The following PGM2L1 variants were observed in gnomAD, a reference collection of about 807,000 sequenced individuals.
PGM2L1 encodes glucose 1,6-bisphosphate synthase.
PGM2L1 carries 35 observed loss-of-function variants against 73.4 expected under a neutral mutation model. The ratio of observed to expected loss-of-function variants is 0.48; its 90% CI spans 0.36 to 0.63. The LOEUF is 0.63. Ranked by LOEUF, PGM2L1 falls within the 30% of genes least tolerant of loss-of-function variation. The probability of loss-of-function intolerance (pLI) is 0.00; values close to 1 mark genes in which losing one functional copy is unlikely to be tolerated. For synonymous variants in PGM2L1, 225 were observed against 253.8 expected, an observed-to-expected ratio of 0.89 and a Z score of 1.08; for missense variants, 570 against 742.0, an observed-to-expected ratio of 0.77 and a Z score of 2.69.
rs1565432488 is a variant in PGM2L1 at position 74,335,215 on chromosome 11, A to C, written c.*1437T>G. On this transcript the variant is annotated 3_prime_UTR_variant, in exon 14 of 14. Transcript: ENST00000298198. ...CGGCTCACTGCAATCTCAGCCTCCTAGGTTCAAGCAATTCTCCTGCCTCAG... is the reference window on the plus strand; with the variant it reads ...CGGCTCACTGCAATCTCAGCCTCCTCGGTTCAAGCAATTCTCCTGCCTCAG... 6.6e-6 allele frequency: 1 copy of C among 151,076 alleles called. No individual in the cohort carries two copies. The highest frequency in any genetic ancestry group is 1.5e-5 in the Non-Finnish European group (1 of 67,848). The allele number at this position is 151,076 out of a possible 1,614,324, so 9.4% of individuals were successfully genotyped here.
At position 74,397,786 on chromosome 11, in the gene PGM2L1, C is replaced by CTTTTTTTT. The variant is rs1863200832; in HGVS notation, c.111+264_111+265insAAAAAAAA. On this transcript the variant is annotated intron_variant, in intron 1 of 13. Transcript: ENST00000298198. ...TTTTGAAGAAAGAGGGAAGACAGCA[C>CTTTTTTTT]TTGAAAGGAAAGAGGGTAAAGAAGA... is the stretch of plus-strand genomic sequence containing the variant. The CTTTTTTTT allele has an allele frequency of 5.9e-5, 16 of 273,018 alleles. No homozygotes were observed. In the Admixed American group the frequency reaches 6.9e-4, roughly 12 times the overall value. 16.9% of individuals were successfully genotyped at this position (273,018 alleles called of 1,614,324 possible). A position where few individuals can be genotyped will look rare whatever the true frequency, so the allele number is the denominator to read the frequency against.
intron 1 of PGM2L1, 139 bp downstream of exon 1, chr11:74,397,912 G>A (rs1863203705): frequency 7.4e-7 from 1 of 1,350,156 alleles, no homozygotes; most frequent in Admixed American, 3.2e-5. Flanking sequence ...ATAGGTGGGT[G>A]GCAACGCCCT....
chr11:74,339,441 T>G (rs1753749480), intron 12 of PGM2L1, among the ~76,000 whole-genome samples: 1 of 152,166 alleles, frequency 6.6e-6, no homozygotes, highest in Admixed American at 6.5e-5. Context: ...CTGGTACCTT[T>G]CCTCAGCTGT....
chr11:74,351,977 TAAAAATAA>T (rs1565437424), intron 5 of PGM2L1, among the ~76,000 whole-genome samples: 1 of 143,560 alleles, frequency 7.0e-6, no homozygotes, highest in Non-Finnish European at 1.5e-5. Context: ...AAAAAATAAA[TAAAAATAA>T]AAATAAAAAT....
intron 1 of PGM2L1, 144 bp downstream of exon 1, chr11:74,397,907 T>A: frequency 7.5e-7 from 1 of 1,337,496 alleles, no homozygotes; most frequent in Non-Finnish European, 9.6e-7. Context: ...CACGCATAGG[T>A]GGGTGGCAAC....
rs74362695 is a variant in PGM2L1 at position 74,354,409 on chromosome 11, G to A, written c.556-2833C>T. On this transcript the variant is annotated intron_variant, in intron 5 of 13. Coordinates refer to ENST00000298198, the MANE Select transcript of PGM2L1 (RefSeq NM_173582.6). ...CTTTCTGCCCGTGGATGCTGCTGAG[G>A]AAGCATCATTAAAGTCTCCTTCCCC... is the stretch of plus-strand genomic sequence containing the variant. 376 of 635,818 alleles carry A rather than the reference G, an allele frequency of 5.9e-4. 3 individuals carry two copies. The East Asian group carries it at 9.2e-3, about 16-fold the overall frequency. 39.4% of individuals were successfully genotyped at this position (635,818 alleles called of 1,614,324 possible).
At chr11:74,338,447 C>A in intron 13 of PGM2L1, 21 bp downstream of exon 13, 1 of 1,513,928 alleles carries the variant, frequency 6.6e-7, no homozygotes, top group Non-Finnish European at 9.0e-7. Context: ...GTATGTATAT[C>A]TTAAAAAAAT....
rs1372657565 is a variant in PGM2L1 at position 74,330,775 on chromosome 11, C to T, written c.*5877G>A. On this transcript the variant is annotated 3_prime_UTR_variant, in exon 14 of 14. Coordinates refer to ENST00000298198, the MANE Select transcript of PGM2L1 (RefSeq NM_173582.6). ...GACACTTAGACTAGTGATATTAAGTCTACATAGACACCATTTCTTTACCTT... is the reference window on the plus strand; with the variant it reads ...GACACTTAGACTAGTGATATTAAGTTTACATAGACACCATTTCTTTACCTT... The T allele has an allele frequency of 6.6e-6, 1 of 152,582 alleles. No individual in the cohort carries two copies. Among genetic ancestry groups the T allele is most frequent in the Non-Finnish European group, 1.5e-5 (1 of 68,040 alleles). The allele number at this position is 152,582 out of a possible 1,614,324, so 9.5% of individuals were successfully genotyped here.
At chr11:74,369,777 T>G (rs1862723400) in intron 4 of PGM2L1, among the ~76,000 whole-genome samples, 1 of 152,210 alleles carries the variant, frequency 6.6e-6, no homozygotes, top group African/African-American at 2.4e-5. Flanking sequence ...CATGGAGTCT[T>G]GCTCTGCTGT....
chr11:74,354,332 T>TA (rs1277790763), intron 5 of PGM2L1: 11 of 528,876 alleles, frequency 2.1e-5, no homozygotes, highest in Non-Finnish European at 3.0e-5. Context: ...GAATAAATGT[T>TA]AAAAAATGTG....
intron 5 of PGM2L1, among the ~76,000 whole-genome samples, chr11:74,365,973 C>A (rs886866440): frequency 1.2e-4 from 18 of 152,066 alleles, no homozygotes; most frequent in African/African-American, 4.3e-4. Flanking sequence ...AAATGTCCAA[C>A]AATGATAGAC....
intron 5 of PGM2L1, among the ~76,000 whole-genome samples, chr11:74,353,862 A>ACGGGCCCCCCACC (rs762462003): frequency 2.0e-5 from 2 of 98,678 alleles, no homozygotes; most frequent in Admixed American, 1.0e-4. Context: ...CACCTCCCAG[A>ACGGGCCCCCCACC]TGGGGTGGCT....
In PGM2L1 at chr11:74,331,049, CA is replaced by C. The variant is rs1481144095; in HGVS notation, c.*5602del. On this transcript the variant is annotated 3_prime_UTR_variant, in exon 14 of 14. Coordinates refer to ENST00000298198, the MANE Select transcript of PGM2L1 (RefSeq NM_173582.6). The stretch of plus-strand genomic sequence containing the variant: ...TTAATTCCTAGTATCAGCAATTAAA[CA>C]CTCTATAACAGGTACTGAACTAGGT... 6.6e-6 allele frequency: 1 copy of C among 152,134 alleles called. No homozygotes were observed. The highest frequency in any genetic ancestry group is 6.5e-5 in the Admixed American group (1 of 15,272). The allele number at this position is 152,134 out of a possible 1,614,324, so 9.4% of individuals were successfully genotyped here.
rs1430505226 is a variant in PGM2L1, at chr11:74,332,564, A to G, written c.*4088T>C. The G allele has an allele frequency of 6.6e-6, 1 of 152,646 alleles. No individual in the cohort carries two copies. Among genetic ancestry groups the G allele is most frequent in the East Asian group, 1.9e-4 (1 of 5,206 alleles). 9.5% of individuals were successfully genotyped at this position (152,646 alleles called of 1,614,324 possible). A position where few individuals can be genotyped will look rare whatever the true frequency, so the allele number is the denominator to read the frequency against. On this transcript the variant is annotated 3_prime_UTR_variant, in exon 14 of 14. Transcript: ENST00000298198. ...CAAAATGTGCAAGGGTGCCTAGGAA[A>G]AGTGGGAGGTAGAGAGAAAAAGGCA...
At chr11:74,342,698 A>C in intron 11 of PGM2L1, 48 bp from the exon 12 acceptor site, 1 of 1,440,148 alleles carries the variant, frequency 6.9e-7, no homozygotes, top group Non-Finnish European at 9.3e-7. Flanking sequence ...ATAACTCTTT[A>C]AAAAAGCATA....
chr11:74,354,423 G>A, intron 5 of PGM2L1: 1 of 663,384 alleles, frequency 1.5e-6, no homozygotes, highest in Non-Finnish European at 2.7e-6. Flanking sequence ...CATCATTAAA[G>A]TCTCCTTCCC....
At chr11:74,339,127 CA>C (rs997953227) in intron 12 of PGM2L1, among the ~76,000 whole-genome samples, 3 of 152,018 alleles carry the variant, frequency 2.0e-5, no homozygotes, top group African/African-American at 7.3e-5. Context: ...GTAAACAACC[CA>C]TTCAAGACAA....
At chr11:74,380,951 C>A (rs1475357126) in intron 1 of PGM2L1, among the ~76,000 whole-genome samples, 2 of 152,146 alleles carry the variant, frequency 1.3e-5, no homozygotes, top group Non-Finnish European at 2.9e-5. Context: ...GAAGGTTTGG[C>A]CCTGATCTTG....
chr11:74,369,662 C>G (rs563701007), intron 4 of PGM2L1, among the ~76,000 whole-genome samples: 1 of 152,270 alleles, frequency 6.6e-6, no homozygotes, highest in South Asian at 2.1e-4. Context: ...AACAATTTGC[C>G]AAGGCACAGA....
Sources: gnomAD v4.1 joint callset for allele counts (sites outside exome capture counted in the v4.1 genomes callset) on GRCh38, gnomAD v4.1.1 for gene constraint, MANE v1.5 for transcripts, NCBI Gene and HGNC (gene_info 2026-07-23, HGNC 2026-07-21) for gene names.